The following PPP2R2C variants were observed in gnomAD, a reference collection of about 807,000 sequenced individuals.
PPP2R2C encodes the protein protein phosphatase 2, regulatory subunit B, gamma.
Under a neutral mutation model 45.3 loss-of-function variants are expected in PPP2R2C, and 10 were observed. That is an observed-to-expected ratio of 0.22 (90% CI 0.14 to 0.37). PPP2R2C has a LOEUF of 0.37. Ranked by LOEUF, PPP2R2C falls within the 10% of genes least tolerant of loss-of-function variation. The pLI, the probability that PPP2R2C is intolerant of heterozygous loss-of-function variation, is 1.00. For synonymous variants in PPP2R2C, 257 were observed against 245.4 expected (o/e 1.05, Z -0.44); for missense variants, 308 against 619.7 (o/e 0.50, Z 5.34).
chr4:6,337,476 G>T lies in PPP2R2C; in HGVS notation c.791-3745C>A, dbSNP rs552169930. 7.2e-5 allele frequency among the ~76,000 whole-genome samples: 11 copies of T among 152,184 alleles called. No homozygotes were observed. In the East Asian group the frequency reaches 2.1e-3, roughly 30 times the overall value. On this transcript the variant is annotated intron_variant, in intron 6 of 8. Transcript: ENST00000382599. The stretch of plus-strand genomic sequence containing the variant: ...TGAACTAGGCTTTCTGTCACTTGGA[G>T]GTGAGGCGGAGGTGAGTCCAAAACT...
At chr4:6,406,688 C>T (rs930062915) in intron 1 of PPP2R2C, among the ~76,000 whole-genome samples, 4 of 152,040 alleles carry the variant, frequency 2.6e-5, no homozygotes, top group Admixed American at 1.3e-4. Context: ...ACCTGGGAGG[C>T]GGAGGCTGCA....
At chr4:6,538,797 C>T (rs1488587322) in intron 1 of PPP2R2C, among the ~76,000 whole-genome samples, 1 of 152,198 alleles carries the variant, frequency 6.6e-6, no homozygotes, top group South Asian at 2.1e-4. Context: ...GGCCGCTCCC[C>T]CGCACCGTCA....
intron 6 of PPP2R2C, among the ~76,000 whole-genome samples, chr4:6,337,161 T>TATATATATATATATATATA (rs1560454834): frequency 8.8e-6 from 1 of 113,670 alleles, no homozygotes; most frequent in Non-Finnish European, 1.8e-5. Context: ...TATATATATA[T>TATATATATATATATATATA]TTGTAGTTTT....
At chr4:6,530,364 G>A (rs184276954) in intron 2 of PPP2R2C, among the ~76,000 whole-genome samples, 48 of 152,232 alleles carry the variant, frequency 3.2e-4, no homozygotes, top group African/African-American at 1.2e-3. Flanking sequence ...ATCCGCCACC[G>A]CACCTGCACT....
chr4:6,437,761 CT>C (rs1382592055), intron 1 of PPP2R2C, among the ~76,000 whole-genome samples: 1 of 152,216 alleles, frequency 6.6e-6, no homozygotes, highest in Non-Finnish European at 1.5e-5. Context: ...GAAAAGAAAT[CT>C]TTGTCCCCAC....
rs1712232247 is a variant in PPP2R2C at position 6,348,597 on chromosome 4, G to A, written c.626-587C>T. 9 of 962,530 alleles carry A rather than the reference G, an allele frequency of 9.4e-6. No homozygotes were observed. In the South Asian group the frequency reaches 2.9e-4, roughly 31 times the overall value. The allele number at this position is 962,530 out of a possible 1,614,324, so 59.6% of individuals were successfully genotyped here. ...AAAGGTTCTTCTGGGTTTCTGGGTC[G>A]GCCCCACCTCGGCTCTGATCTGTGC... On this transcript the variant is annotated intron_variant, in intron 5 of 8. Transcript: ENST00000382599.
chr4:6,561,760 T>A (rs1725585257), intron 1 of PPP2R2C, among the ~76,000 whole-genome samples: 1 of 152,064 alleles, frequency 6.6e-6, no homozygotes. Flanking sequence ...AGGGACTGAC[T>A]CCCAGCCCAA....
At chr4:6,356,668 T>A (rs991004857) in intron 5 of PPP2R2C, among the ~76,000 whole-genome samples, 5 of 152,246 alleles carry the variant, frequency 3.3e-5, no homozygotes, top group Admixed American at 3.3e-4. Flanking sequence ...AGGACCAGGC[T>A]CAGAGTGGGC....
chr4:6,456,935 C>T lies in PPP2R2C; in HGVS notation c.70+15225G>A, dbSNP rs555548046. On this transcript the variant is annotated intron_variant, in intron 1 of 8. Coordinates refer to ENST00000382599, the MANE Select transcript of PPP2R2C (RefSeq NM_020416.4). ...CATAAAAATGAGCATGAGCCAGGTGCGGTGGCTTGCGCCTATAATTCCAGC... is the reference window on the plus strand; with the variant it reads ...CATAAAAATGAGCATGAGCCAGGTGTGGTGGCTTGCGCCTATAATTCCAGC... Among the ~76,000 whole-genome samples, 6 of 152,176 alleles carry T rather than the reference C, an allele frequency of 3.9e-5. 1 individual carries two copies. The highest frequency in any genetic ancestry group is 1.2e-4 in the African/African-American group (5 of 41,516).
chr4:6,405,301 G>A (rs542139359), intron 1 of PPP2R2C, among the ~76,000 whole-genome samples: 17 of 152,206 alleles, frequency 1.1e-4, no homozygotes, highest in Non-Finnish European at 2.5e-4. Context: ...TCTTCCCACA[G>A]CAGCCTGGCT....
At chr4:6,503,855 A>T (rs1723135776) in intron 2 of PPP2R2C, among the ~76,000 whole-genome samples, 1 of 152,166 alleles carries the variant, frequency 6.6e-6, no homozygotes, top group South Asian at 2.1e-4. Flanking sequence ...AATGCAAAGT[A>T]GGTCCTATCA....
At position 6,351,132 on chromosome 4, in the gene PPP2R2C, C is replaced by T. The variant is rs748951347; in HGVS notation, c.626-3122G>A. 1.5e-5 allele frequency: 10 copies of T among 659,858 alleles called. No homozygotes were observed. In the East Asian group the frequency reaches 4.1e-4, roughly 27 times the overall value. 40.9% of individuals were successfully genotyped at this position (659,858 alleles called of 1,614,324 possible). On this transcript the variant is annotated intron_variant, in intron 5 of 8. Coordinates refer to ENST00000382599, the MANE Select transcript of PPP2R2C (RefSeq NM_020416.4). The stretch of plus-strand genomic sequence containing the variant: ...CCAGCCTGACCAACATACCAAAACC[C>T]CGTCTCTACTAAAAATAAAAAATAA...
intron 2 of PPP2R2C, among the ~76,000 whole-genome samples, chr4:6,527,321 A>G (rs1260514344): frequency 6.6e-6 from 1 of 152,146 alleles, no homozygotes; most frequent in Non-Finnish European, 1.5e-5. Flanking sequence ...GTCCTTGCCC[A>G]TTTCTGGCTC....
chr4:6,445,472 T>C (rs761957263), intron 1 of PPP2R2C, among the ~76,000 whole-genome samples: 29 of 152,252 alleles, frequency 1.9e-4, no homozygotes, highest in Admixed American at 4.6e-4. Flanking sequence ...AAAGAGCAAG[T>C]GACAGTGACT....
At chr4:6,389,538 C>T (rs1278692264) in intron 1 of PPP2R2C, among the ~76,000 whole-genome samples, 1 of 152,204 alleles carries the variant, frequency 6.6e-6, no homozygotes, top group Non-Finnish European at 1.5e-5. Flanking sequence ...GAGGCTCCTG[C>T]AGCCATTAGC....
chr4:6,436,720 T>C (rs1245630510), intron 1 of PPP2R2C, among the ~76,000 whole-genome samples: 1 of 152,216 alleles, frequency 6.6e-6, no homozygotes, highest in Admixed American at 6.5e-5. Flanking sequence ...CTGTCTCAAC[T>C]ACCGTCACAA....
At chr4:6,433,477 T>C (rs1719733161) in intron 1 of PPP2R2C, among the ~76,000 whole-genome samples, 1 of 152,150 alleles carries the variant, frequency 6.6e-6, no homozygotes, top group African/African-American at 2.4e-5. Flanking sequence ...AGTTTTCCCA[T>C]CATTCTGTAA....
intron 5 of PPP2R2C, among the ~76,000 whole-genome samples, chr4:6,363,356 A>C (rs1171807459): frequency 1.3e-5 from 2 of 152,182 alleles, no homozygotes; most frequent in Non-Finnish European, 2.9e-5. Context: ...AGGCAGGTGG[A>C]TCACGAGGTC....
At chr4:6,533,882 G>A (rs1394531014) in intron 2 of PPP2R2C, among the ~76,000 whole-genome samples, 5 of 151,846 alleles carry the variant, frequency 3.3e-5, no homozygotes, top group African/African-American at 9.7e-5. Flanking sequence ...CCCAATACAC[G>A]CACACATCAA....
Sources: allele counts gnomAD v4.1 joint callset (sites outside exome capture counted in the v4.1 genomes callset), GRCh38; gene constraint gnomAD v4.1.1; transcripts MANE v1.5; gene names NCBI Gene and HGNC (gene_info 2026-07-23, HGNC 2026-07-21).